DDX43: variants seen among roughly 807,000 people sequenced by gnomAD.
DDX43 encodes probable ATP-dependent RNA helicase DDX43.
In DDX43, 50 loss-of-function variants were observed where a neutral mutation model predicts 84.9. That is an observed-to-expected ratio of 0.59 (90% CI 0.47 to 0.75). DDX43 has a LOEUF of 0.75. Among genes scored for constraint, DDX43 ranks in the 30% least tolerant of loss-of-function variants. The pLI is 0.00. For synonymous variants in DDX43, 291 were observed against 266.3 expected (o/e 1.09, Z -0.90); for missense variants, 689 against 798.6 (o/e 0.86, Z 1.65).
chr6:73,416,842 C>A (rs1355687640), intron 16 of DDX43, among the ~76,000 whole-genome samples: 1 of 152,128 alleles, frequency 6.6e-6, no homozygotes, highest in Non-Finnish European at 1.5e-5. Context: ...AGTTTGAGAC[C>A]AACCTGGCCA....
In DDX43 at chr6:73,414,602, A is replaced by C; in HGVS notation, c.1661A>C (p.His554Pro). ...TDLASRGLDV[H>P]DVTHVYNFDF... ...CTAGCCTCTAGAGGACTTGATGTCC[A>C]TGACGTTACACATGTCTATAATTTT... Residue 554 changes from histidine (H) to proline (P), a missense_variant, in exon 14 of 17, where the codon CAT (histidine) becomes CCT (proline). By Grantham distance (77) the His-to-Pro change is moderately conservative. Coordinates refer to ENST00000370336, the MANE Select transcript of DDX43 (RefSeq NM_018665.3). 6.2e-7 allele frequency: 1 copy of C among 1,613,608 alleles called. No individual in the cohort carries two copies. The highest frequency in any genetic ancestry group is 8.5e-7 in the Non-Finnish European group (1 of 1,179,530).
At chr6:73,402,384 G>A (rs1769594844) in intron 4 of DDX43, among the ~76,000 whole-genome samples, 1 of 152,136 alleles carries the variant, frequency 6.6e-6, no homozygotes, top group African/African-American at 2.4e-5. Flanking sequence ...TAAATCATAA[G>A]AAGCATTACA....
At chr6:73,396,173 G>T (rs1769467084) in intron 1 of DDX43, among the ~76,000 whole-genome samples, 1 of 152,082 alleles carries the variant, frequency 6.6e-6, no homozygotes, top group Non-Finnish European at 1.5e-5. Context: ...TACCCAGGAT[G>T]GTCTCGAACT....
Position 73,395,136 on chromosome 6 carries a change from C to G in DDX43, c.231C>G (p.His77Gln). The G allele has an allele frequency of 1.2e-6, 2 of 1,613,462 alleles. No homozygotes were observed. The highest frequency in any genetic ancestry group is 1.7e-6 in the Non-Finnish European group (2 of 1,179,686). Reference sequence around the variant, plus strand: ...CGCTGTGTTTTGCTTTGAAGAGCCACTTTGTTGGCGCGGTAATCGGTGAGA... The same window carrying G: ...CGCTGTGTTTTGCTTTGAAGAGCCAGTTTGTTGGCGCGGTAATCGGTGAGA... ...ELPLCFALKSHFVGAVIGRGG... is the reference protein window; with the variant it reads ...ELPLCFALKSQFVGAVIGRGG... The change falls in exon 1 of 17, where the codon CAC becomes CAG. Residue 77 changes from histidine (H) to glutamine (Q), a missense_variant. Around this residue, in one of 2 missense-constraint regions of DDX43, gnomAD observed 137 missense variants for 105.9 expected, o/e 1.29. Transcript: ENST00000370336.
chr6:73,397,317 T>C (rs1769491635), intron 1 of DDX43, among the ~76,000 whole-genome samples: 1 of 152,250 alleles, frequency 6.6e-6, no homozygotes, highest in African/African-American at 2.4e-5. Flanking sequence ...GAACATCTCA[T>C]GCCTGTTGGC....
chr6:73,400,363 G>C lies in DDX43; in HGVS notation c.436G>C (p.Asp146His). ...AAATTACAATTCAGAATGCGGAATT[G>C]GTAAGTAATTTTCTCCCACTGAACC... is the stretch of plus-strand genomic sequence containing the variant. ...EENYNSECGI[D>H]TAFQPSVGKD... The change falls in exon 3 of 17, where the codon GAT becomes CAT. Residue 146 changes from aspartate (D) to histidine (H), a missense_variant and splice_region_variant. Asp to His is a moderately conservative substitution (Grantham distance 81). Transcript: ENST00000370336. 1 of 1,600,866 alleles carries C rather than the reference G, an allele frequency of 6.2e-7. No homozygotes were observed.
rs766078676 is a variant in DDX43, at chr6:73,414,653, A to T, written c.1712A>T (p.Tyr571Phe). Residue 571 changes from tyrosine to phenylalanine, a missense_variant, in exon 14 of 17, where the codon TAC becomes TTC. Transcript: ENST00000370336. Reference sequence around the variant, plus strand: ...GACTTTCCACGGAATATTGAAGAATACGTACACCGAATAGGGCGCACGGGA... The same window carrying T: ...GACTTTCCACGGAATATTGAAGAATTCGTACACCGAATAGGGCGCACGGGA... ...NFDFPRNIEE[Y>F]VHRIGRTGRA... is the part of the protein sequence containing the mutation. The T allele has an allele frequency of 3.1e-6, 5 of 1,614,032 alleles. No individual in the cohort carries two copies. In the Admixed American group the frequency reaches 8.3e-5, roughly 27 times the overall value.
chr6:73,417,055 C>T (rs1769918160), intron 16 of DDX43, 132 bp from the exon 17 acceptor site: 1 of 152,150 alleles, frequency 6.6e-6, no homozygotes. Context: ...ATTAACTGCA[C>T]AACAATGAAT....
At chr6:73,414,825 T>A (rs1197728280) in intron 14 of DDX43, 139 bp downstream of exon 14, 2 of 747,740 alleles carry the variant, frequency 2.7e-6, no homozygotes, top group East Asian at 5.5e-5. Context: ...TGCTACTTTA[T>A]TTATCCCTGT....
rs760522132 is a variant in DDX43 at position 73,395,045 on chromosome 6, G to A, written c.140G>A (p.Arg47Lys). 2.5e-5 allele frequency: 40 copies of A among 1,613,154 alleles called. 2 individuals are homozygous for A. The South Asian group carries it at 3.7e-4, about 15-fold the overall frequency. Residue 47 changes from arginine to lysine, a missense_variant, in exon 1 of 17, where the codon AGA (arginine) becomes AAA (lysine). Arg to Lys is a conservative substitution (Grantham distance 26, BLOSUM62 2). Coordinates refer to ENST00000370336, the MANE Select transcript of DDX43 (RefSeq NM_018665.3). ...GGTCCTGAGGGATATAGTGTCGGCA[G>A]AGGTGGTCGCTGGAGAGGCACCTCT... ...RTGPEGYSVG[R>K]GGRWRGTSRP... is the part of the protein sequence containing the mutation.
At chr6:73,407,479 A>T (rs369867495) in intron 7 of DDX43, 26 bp from the exon 8 acceptor site, 4 of 1,439,500 alleles carry the variant, frequency 2.8e-6, no homozygotes, top group South Asian at 2.3e-5. Flanking sequence ...CAAGTAATTT[A>T]ATATTAATCT....
intron 3 of DDX43, among the ~76,000 whole-genome samples, chr6:73,401,551 C>T (rs373415599): frequency 2.4e-4 from 36 of 152,102 alleles, no homozygotes; most frequent in African/African-American, 8.4e-4. Flanking sequence ...GCCTGTAATC[C>T]CAGCACTTTG....
intron 2 of DDX43, among the ~76,000 whole-genome samples, chr6:73,399,647 T>C (rs1039650624): frequency 7.9e-5 from 12 of 152,214 alleles, no homozygotes; most frequent in African/African-American, 2.9e-4. Context: ...TAGATAAATA[T>C]TGAATCCATT....
chr6:73,411,014 G>A lies in DDX43; in HGVS notation c.1281-1191G>A, dbSNP rs182952919. Among the ~76,000 whole-genome samples the A allele has an allele frequency of 4.6e-4, 70 of 151,732 alleles. 1 individual carries two copies. In the East Asian group the frequency reaches 0.012, roughly 27 times the overall value. ...ATCCTGGCTAACACGGTGAAACCCC[G>A]TCTCTACTAAATTTACCCGGGAGTG... On this transcript the variant is annotated intron_variant, in intron 10 of 16. Coordinates refer to ENST00000370336, the MANE Select transcript of DDX43 (RefSeq NM_018665.3).
At chr6:73,397,843 C>T (rs909176026) in intron 2 of DDX43, 99 bp downstream of exon 2, 4 of 1,119,020 alleles carry the variant, frequency 3.6e-6, no homozygotes, top group Non-Finnish European at 5.4e-6. Context: ...CATTCTGTCT[C>T]CCAGGCTGGA....
At chr6:73,397,576 C>A in intron 1 of DDX43, 113 bp from the exon 2 acceptor site, 2 of 831,808 alleles carry the variant, frequency 2.4e-6, no homozygotes, top group Non-Finnish European at 3.8e-6. Flanking sequence ...GATTGTTGAA[C>A]CCTAGGAGCA....
intron 11 of DDX43, among the ~76,000 whole-genome samples, chr6:73,413,220 C>T (rs916119623): frequency 5.3e-5 from 8 of 152,114 alleles, no homozygotes; most frequent in Admixed American, 5.2e-4. Flanking sequence ...TTTGCTTAAT[C>T]ATTAATAAAT....
At chr6:73,395,883 C>T (rs886277600) in intron 1 of DDX43, among the ~76,000 whole-genome samples, 2 of 151,988 alleles carry the variant, frequency 1.3e-5, no homozygotes, top group Non-Finnish European at 2.9e-5. Flanking sequence ...TTTTAGTTTC[C>T]TTAATTTTTA....
intron 4 of DDX43, 28 bp downstream of exon 4, chr6:73,402,018 A>G (rs1562283468): frequency 6.2e-7 from 1 of 1,610,604 alleles, no homozygotes; most frequent in Non-Finnish European, 8.5e-7. Flanking sequence ...ATATTTACAT[A>G]TATTGTTTCT....
Sources: gnomAD v4.1 joint callset for allele counts (sites outside exome capture counted in the v4.1 genomes callset) on GRCh38, gnomAD v4.1.1 for gene constraint, gnomAD v4.1.1 regional missense constraint, MANE v1.5 for transcripts, NCBI Gene and HGNC (gene_info 2026-07-23, HGNC 2026-07-21) for gene names.